MRPL42: variants seen among roughly 807,000 people sequenced by gnomAD.
MRPL42 encodes large ribosomal subunit protein mL42.
MRPL42 carries 17 observed loss-of-function variants against 17.9 expected under a neutral mutation model. That is an observed-to-expected ratio of 0.95 (90% confidence interval 0.65 to 1.42). The LOEUF is 1.42. Among genes scored for constraint, MRPL42 ranks in the 40% most tolerant of loss-of-function variants. The pLI, the probability that MRPL42 is intolerant of heterozygous loss-of-function variation, is 0.00. For synonymous variants in MRPL42, 59 were observed against 54.4 expected (o/e 1.08, Z -0.37); for missense variants, 177 against 175.2 (o/e 1.01, Z -0.06).
intron 4 of MRPL42, among the ~76,000 whole-genome samples, chr12:93,485,236 C>T (rs909672185): frequency 2.9e-4 from 43 of 147,216 alleles, no homozygotes; most frequent in African/African-American, 9.8e-4. Flanking sequence ...GATCTTGGCT[C>T]ACTGCAGCCT....
rs896161890 is a variant in MRPL42, at chr12:93,509,077, AC to A, written c.*7857del. 1 of 151,570 alleles carries A rather than the reference AC, an allele frequency of 6.6e-6. No homozygotes were observed. The highest frequency in any genetic ancestry group is 1.5e-5 in the Non-Finnish European group (1 of 68,052). The allele number at this position is 151,570 out of a possible 1,614,324, so 9.4% of individuals were successfully genotyped here. On this transcript the variant is annotated 3_prime_UTR_variant, in exon 6 of 6. Coordinates refer to ENST00000549982, the MANE Select transcript of MRPL42 (RefSeq NM_014050.4). ...GTGGCAGGCATCTGTAATCCTAGCT[AC>A]TCAGGAGGCTGAGGCAGGAGAATCC...
Position 93,469,220 on chromosome 12 carries a change from A to T in MRPL42, c.-66A>T, listed in dbSNP as rs1879780688. On this transcript the variant is annotated 5_prime_UTR_variant, in exon 2 of 6. Transcript: ENST00000549982. ...TAGAAATTGGTATGCTTAGAAGCAG[A>T]TTCTAAAAGCAGTTTCTCTTCAGAA... The T allele has an allele frequency of 7.7e-7, 1 of 1,297,604 alleles. No homozygotes were observed. Among genetic ancestry groups the T allele is most frequent in the Non-Finnish European group, 1.1e-6 (1 of 917,002 alleles). The allele number at this position is 1,297,604 out of a possible 1,614,324, so 80.4% of individuals were successfully genotyped here.
chr12:93,475,688 A>G (rs1227361248), intron 2 of MRPL42, among the ~76,000 whole-genome samples: 1 of 152,148 alleles, frequency 6.6e-6, no homozygotes, highest in Non-Finnish European at 1.5e-5. Flanking sequence ...ACAAGCTTTT[A>G]AAAAAGCAGT....
rs1224342067 is a variant in MRPL42, at chr12:93,509,836, G to A, written c.*8615G>A. ...GGTTCTGAGCAAAATTGAGAGGAGG[G>A]TACAGAAATAACTTATATATCCTCA... On this transcript the variant is annotated 3_prime_UTR_variant, in exon 6 of 6. Coordinates refer to ENST00000549982, the MANE Select transcript of MRPL42 (RefSeq NM_014050.4). 1 of 151,912 alleles carries A rather than the reference G, an allele frequency of 6.6e-6. No homozygotes were observed. The highest frequency in any genetic ancestry group is 1.5e-5 in the Non-Finnish European group (1 of 67,996). The allele number at this position is 151,912 out of a possible 1,614,324, so 9.4% of individuals were successfully genotyped here. A position where few individuals can be genotyped will look rare whatever the true frequency, so the allele number is the denominator to read the frequency against.
intron 4 of MRPL42, among the ~76,000 whole-genome samples, chr12:93,482,697 CA>C (rs1039328282): frequency 3.3e-5 from 5 of 152,126 alleles, no homozygotes; most frequent in African/African-American, 1.2e-4. Flanking sequence ...GCAATCCTCC[CA>C]CTTTAGCCTC....
chr12:93,474,149 G>T (rs1355773907), intron 2 of MRPL42, among the ~76,000 whole-genome samples: 3 of 130,078 alleles, frequency 2.3e-5, no homozygotes, highest in African/African-American at 9.1e-5. Context: ...CTAAAATACT[G>T]TTGTCTTGAG....
intron 2 of MRPL42, among the ~76,000 whole-genome samples, chr12:93,475,525 C>G (rs1592767456): frequency 6.6e-6 from 1 of 152,136 alleles, no homozygotes; most frequent in Admixed American, 6.5e-5. Flanking sequence ...GGTTACAGTT[C>G]TATATCACAG....
chr12:93,470,222 T>C (rs1879842969), intron 2 of MRPL42, among the ~76,000 whole-genome samples: 1 of 152,186 alleles, frequency 6.6e-6, no homozygotes, highest in African/African-American at 2.4e-5. Context: ...ATATAGTTAG[T>C]ATTTTCTCGA....
intron 5 of MRPL42, among the ~76,000 whole-genome samples, chr12:93,497,712 C>T (rs926946477): frequency 6.7e-6 from 1 of 150,216 alleles, no homozygotes; most frequent in African/African-American, 2.5e-5. Flanking sequence ...CAACATAGTA[C>T]TGGGGAAGTC....
chr12:93,476,906 A>G (rs1464406241), intron 2 of MRPL42, 48 bp from the exon 3 acceptor site: 2 of 1,503,566 alleles, frequency 1.3e-6, no homozygotes, highest in South Asian at 2.3e-5. Context: ...TATGGAGAAA[A>G]TATGCTCAAA....
rs1953694241 is a variant in MRPL42 at position 93,508,523 on chromosome 12, A to T, written c.*7302A>T. On this transcript the variant is annotated 3_prime_UTR_variant, in exon 6 of 6. Transcript: ENST00000549982. ...CAATATCACTTCATAAGGCTATCTC[A>T]GATTCAAGGGAGTAAGAGGAGAGAT... 6.6e-6 allele frequency: 1 copy of T among 152,262 alleles called. No homozygotes were observed. The highest frequency in any genetic ancestry group is 6.5e-5 in the Admixed American group (1 of 15,280). The allele number at this position is 152,262 out of a possible 1,614,324, so 9.4% of individuals were successfully genotyped here.
At position 93,511,357 on chromosome 12, in the gene MRPL42, C is replaced by T. The variant is rs922597933; in HGVS notation, c.*10136C>T. On this transcript the variant is annotated 3_prime_UTR_variant, in exon 6 of 6. Transcript: ENST00000549982. ...AGATATTCATTATTTCACAAATAAA[C>T]GTTAATGCTTTTTAGACATCTTTAA... 2 of 152,060 alleles carry T rather than the reference C, an allele frequency of 1.3e-5. No homozygotes were observed. The highest frequency in any genetic ancestry group is 6.6e-5 in the Admixed American group (1 of 15,256). 9.4% of individuals were successfully genotyped at this position (152,060 alleles called of 1,614,324 possible).
chr12:93,501,884 A>AATG lies in MRPL42; in HGVS notation c.*665_*666insGAT. The AATG allele has an allele frequency of 8.7e-6, 1 of 115,324 alleles. No individual in the cohort carries two copies. The allele number at this position is 115,324 out of a possible 1,614,324, so 7.1% of individuals were successfully genotyped here. A position where few individuals can be genotyped will look rare whatever the true frequency, so the allele number is the denominator to read the frequency against. ...TCAGTTGGCTTCTAGGAAATAATTA[A>AATG]ATTAGTGATATTTTAATCAGGTTTT... On this transcript the variant is annotated 3_prime_UTR_variant, in exon 6 of 6. Coordinates refer to ENST00000549982, the MANE Select transcript of MRPL42 (RefSeq NM_014050.4).
chr12:93,475,950 C>G (rs552105470), intron 2 of MRPL42, among the ~76,000 whole-genome samples: 2 of 152,202 alleles, frequency 1.3e-5, no homozygotes, highest in Non-Finnish European at 2.9e-5. Context: ...CACTGCACTC[C>G]AGCCTGGGAG....
rs1478626942 is a variant in MRPL42, at chr12:93,513,630, T to G, written c.*12409T>G. ...TGAGTTATAGAAATTATATTAATCT[T>G]AAATTCACATTTTCAGTGAAAGTTT... is the stretch of plus-strand genomic sequence containing the variant. On this transcript the variant is annotated 3_prime_UTR_variant, in exon 6 of 6. Transcript: ENST00000549982. The G allele has an allele frequency of 2.0e-5, 3 of 152,228 alleles. No individual in the cohort carries two copies. In the East Asian group the frequency reaches 5.8e-4, roughly 29 times the overall value. The allele number at this position is 152,228 out of a possible 1,614,324, so 9.4% of individuals were successfully genotyped here. A position where few individuals can be genotyped will look rare whatever the true frequency, so the allele number is the denominator to read the frequency against.
In MRPL42 at chr12:93,514,386, C is replaced by T. The variant is rs2121311328; in HGVS notation, c.*13165C>T. The T allele has an allele frequency of 6.6e-6, 1 of 150,376 alleles. No individual in the cohort carries two copies. The highest frequency in any genetic ancestry group is 2.1e-4 in the South Asian group (1 of 4,748). 9.3% of individuals were successfully genotyped at this position (150,376 alleles called of 1,614,324 possible). On this transcript the variant is annotated 3_prime_UTR_variant, in exon 6 of 6. Transcript: ENST00000549982. ...CTCCCAAGCTCAAGCGATTCTTGTG[C>T]CTCAGCCTCCTGAGTAGCTGGGATT...
At position 93,515,078 on chromosome 12, in the gene MRPL42, T is replaced by A. The variant is rs1333547007; in HGVS notation, c.*13857T>A. The A allele has an allele frequency of 6.6e-6, 1 of 152,188 alleles. No homozygotes were observed. The highest frequency in any genetic ancestry group is 1.5e-5 in the Non-Finnish European group (1 of 68,028). 9.4% of individuals were successfully genotyped at this position (152,188 alleles called of 1,614,324 possible). On this transcript the variant is annotated 3_prime_UTR_variant, in exon 6 of 6. Transcript: ENST00000549982. ...AAAGAAAAAAGTTTATTTTCATTGC[T>A]AACCTCACTGATTTTTAATTTTACC...
At position 93,508,948 on chromosome 12, in the gene MRPL42, G is replaced by A. The variant is rs944002321; in HGVS notation, c.*7727G>A. The A allele has an allele frequency of 9.9e-5, 15 of 152,162 alleles. No homozygotes were observed. Among genetic ancestry groups the A allele is most frequent in the African/African-American group, 3.4e-4 (14 of 41,418 alleles). 9.4% of individuals were successfully genotyped at this position (152,162 alleles called of 1,614,324 possible). On this transcript the variant is annotated 3_prime_UTR_variant, in exon 6 of 6. Transcript: ENST00000549982. ...CACACCTGTAATCCCAGCACTTTAG[G>A]AGGCGGAGGTGGGCGGATCACTTGA...
chr12:93,501,089 A>G (rs1953586570), intron 5 of MRPL42, 87 bp from the exon 6 acceptor site: 1 of 1,044,984 alleles, frequency 9.6e-7, no homozygotes, highest in Non-Finnish European at 1.3e-6. Context: ...AATAGTTCCA[A>G]TAGCAAAATA....
Sources: allele counts gnomAD v4.1 joint callset (sites outside exome capture counted in the v4.1 genomes callset), GRCh38; gene constraint gnomAD v4.1.1; transcripts MANE v1.5; gene names NCBI Gene and HGNC (gene_info 2026-07-23, HGNC 2026-07-21).